LRGUK: variants seen among roughly 807,000 people sequenced by gnomAD.
LRGUK encodes leucine-rich repeat and guanylate kinase domain-containing protein.
In LRGUK, 65 loss-of-function variants were observed where a neutral mutation model predicts 76.0. The observed-to-expected ratio is 0.85, with a 90% confidence interval of 0.70 to 1.05. The LOEUF (loss-of-function observed/expected upper bound fraction) is 1.05, where lower values mean the gene tolerates loss of function less well. Ranked by LOEUF, LRGUK falls within the 50% of genes least tolerant of loss-of-function variation. The probability of loss-of-function intolerance (pLI) is 0.00; values close to 1 mark genes in which losing one functional copy is unlikely to be tolerated. For missense variants in LRGUK, 758 were observed against 732.8 expected (o/e 1.03, Z -0.40); for synonymous variants, 268 against 265.6 (o/e 1.01, Z -0.09).
chr7:134,258,852 C>T (rs1027439183), intron 19 of LRGUK, among the ~76,000 whole-genome samples: 2 of 152,014 alleles, frequency 1.3e-5, no homozygotes, highest in African/African-American at 2.4e-5. Context: ...TCTAAGGTAG[C>T]GTGTTATTTT....
At chr7:134,167,478 T>G (rs1181024906) in intron 7 of LRGUK, among the ~76,000 whole-genome samples, 1 of 152,124 alleles carries the variant, frequency 6.6e-6, no homozygotes, top group African/African-American at 2.4e-5. Context: ...TTTGCCTGCT[T>G]TAGCACTGGC....
chr7:134,149,992 T>A (rs1386206008), intron 5 of LRGUK, among the ~76,000 whole-genome samples: 1 of 152,186 alleles, frequency 6.6e-6, no homozygotes. Context: ...CTGGTTGGTC[T>A]AGGCCGGGCG....
At chr7:134,188,007 A>G (rs1247992886) in intron 11 of LRGUK, among the ~76,000 whole-genome samples, 1 of 152,194 alleles carries the variant, frequency 6.6e-6, no homozygotes, top group Non-Finnish European at 1.5e-5. Context: ...ATGCAGTCTC[A>G]GCTAAGGTGT....
intron 5 of LRGUK, among the ~76,000 whole-genome samples, chr7:134,149,107 T>A (rs1005111387): frequency 7.9e-5 from 10 of 127,132 alleles, no homozygotes; most frequent in Non-Finnish European, 1.1e-4. Context: ...CTTTCTTTTT[T>A]TAAAAAAAAA....
chr7:134,133,209 A>G (rs1318740919), intron 1 of LRGUK, among the ~76,000 whole-genome samples: 2 of 152,112 alleles, frequency 1.3e-5, no homozygotes, highest in Non-Finnish European at 2.9e-5. Flanking sequence ...CTGAACCTTC[A>G]TCGTTCTCTC....
chr7:134,157,561 C>G (rs796956658), intron 5 of LRGUK, among the ~76,000 whole-genome samples: 1 of 152,244 alleles, frequency 6.6e-6, no homozygotes, highest in Admixed American at 6.5e-5. Flanking sequence ...CTTGCTCTGT[C>G]GCCCAGGCTG....
chr7:134,136,912 G>T (rs141749016), intron 1 of LRGUK, 111 bp from the exon 2 acceptor site: 2 of 866,022 alleles, frequency 2.3e-6, no homozygotes, highest in Non-Finnish European at 1.8e-6. Flanking sequence ...ATTTTGGAGA[G>T]CTCAGCTCCT....
chr7:134,133,227 C>T (rs918570391), intron 1 of LRGUK, among the ~76,000 whole-genome samples: 5 of 152,152 alleles, frequency 3.3e-5, no homozygotes, highest in Non-Finnish European at 5.9e-5. Context: ...CTCAATGGGC[C>T]ATGCTTGCTT....
At chr7:134,177,526 T>TA (rs1363082338) in intron 9 of LRGUK, among the ~76,000 whole-genome samples, 5 of 151,954 alleles carry the variant, frequency 3.3e-5, no homozygotes, top group Non-Finnish European at 7.3e-5. Flanking sequence ...TTCTGCTCTT[T>TA]AAAAAAATGA....
At chr7:134,193,878 A>G (rs1800365112) in intron 12 of LRGUK, among the ~76,000 whole-genome samples, 1 of 152,116 alleles carries the variant, frequency 6.6e-6, no homozygotes, top group African/African-American at 2.4e-5. Flanking sequence ...TACTGTGGAC[A>G]GTCACACCTT....
At chr7:134,248,003 C>A (rs1802351698) in intron 17 of LRGUK, among the ~76,000 whole-genome samples, 1 of 152,124 alleles carries the variant, frequency 6.6e-6, no homozygotes, top group African/African-American at 2.4e-5. Flanking sequence ...TTTAAGTTAT[C>A]TATTGAGAAT....
At chr7:134,170,552 A>G (rs550177396) in intron 7 of LRGUK, among the ~76,000 whole-genome samples, 62 of 152,254 alleles carry the variant, frequency 4.1e-4, no homozygotes, top group African/African-American at 1.1e-3. Flanking sequence ...CATTTCTAAC[A>G]CAAAGAAATA....
At chr7:134,228,254 TATC>T (rs1236715869) in intron 16 of LRGUK, among the ~76,000 whole-genome samples, 1 of 152,162 alleles carries the variant, frequency 6.6e-6, no homozygotes, top group East Asian at 1.9e-4. Flanking sequence ...CCAGTGAAGA[TATC>T]ATCCAAAAAT....
At chr7:134,232,774 T>TA (rs1225473997) in intron 16 of LRGUK, among the ~76,000 whole-genome samples, 18 of 152,232 alleles carry the variant, frequency 1.2e-4, no homozygotes, top group African/African-American at 4.1e-4. Context: ...CATAATTTAA[T>TA]ATGAATTTAG....
intron 19 of LRGUK, among the ~76,000 whole-genome samples, chr7:134,261,493 C>A (rs2117231577): frequency 6.6e-6 from 1 of 152,166 alleles, no homozygotes; most frequent in East Asian, 1.9e-4. Flanking sequence ...AGCATGTGAC[C>A]TCTGCCTATG....
At chr7:134,151,698 G>T (rs1053079886) in intron 5 of LRGUK, among the ~76,000 whole-genome samples, 7 of 151,998 alleles carry the variant, frequency 4.6e-5, no homozygotes, top group Non-Finnish European at 1.5e-5. Context: ...ACCAAATTGG[G>T]TTTTTCTCAG....
chr7:134,193,070 A>G lies in LRGUK; in HGVS notation c.1431+1319A>G, dbSNP rs1585529259. ...TAATTTTGAATGGCCAACTCTATAC[A>G]TGGTGCCTGTTTTCTGGACTTCTCT... On this transcript the variant is annotated intron_variant, in intron 12 of 15. Transcript: ENST00000645682. Among the ~76,000 whole-genome samples, 3 of 152,316 alleles carry G rather than the reference A, an allele frequency of 2.0e-5. No individual in the cohort carries two copies. The East Asian group carries it at 5.8e-4, about 29-fold the overall frequency.
downstream of LRGUK, among the ~76,000 whole-genome samples, chr7:134,213,927 G>A (rs985479534): frequency 6.6e-6 from 1 of 152,208 alleles, no homozygotes; most frequent in Non-Finnish European, 1.5e-5. Flanking sequence ...TCAGCAAGGT[G>A]ATCTTTATAG....
chr7:134,252,476 C>T (rs890448945), intron 18 of LRGUK, among the ~76,000 whole-genome samples: 2 of 152,120 alleles, frequency 1.3e-5, no homozygotes, highest in Non-Finnish European at 2.9e-5. Flanking sequence ...AGATGGACCT[C>T]CTCCTTGGAG....
Sources: allele counts gnomAD v4.1 joint callset (sites outside exome capture counted in the v4.1 genomes callset), GRCh38; gene constraint gnomAD v4.1.1; transcripts MANE v1.5; gene names NCBI Gene and HGNC (gene_info 2026-07-23, HGNC 2026-07-21).